ALCAM: variants seen among roughly 807,000 people sequenced by gnomAD.
ALCAM encodes activated leukocyte cell adhesion molecule.
ALCAM carries 30 observed loss-of-function variants against 70.9 expected under a neutral mutation model. The observed-to-expected ratio is 0.42, with a 90% CI of 0.32 to 0.57. The LOEUF is 0.57. Among genes scored for constraint, ALCAM ranks in the 20% least tolerant of loss-of-function variants. The pLI, the probability that ALCAM is intolerant of heterozygous loss-of-function variation, is 0.11. For missense variants in ALCAM, 591 were observed against 695.1 expected (o/e 0.85, Z 1.68); for synonymous variants, 249 against 242.5 (o/e 1.03, Z -0.25).
intron 1 of ALCAM, among the ~76,000 whole-genome samples, 186 bp from the exon 2 acceptor site, chr3:105,519,881 G>T (rs1031988080): frequency 1.3e-5 from 2 of 152,084 alleles, no homozygotes; most frequent in African/African-American, 4.8e-5. Context: ...AAATAGAAAG[G>T]TGGTAATTTT....
rs549541751 is a variant in ALCAM, at chr3:105,406,865, C to T, written c.73+39384C>T. 7.9e-5 allele frequency among the ~76,000 whole-genome samples: 12 copies of T among 151,646 alleles called. No homozygotes were observed. The South Asian group carries it at 1.5e-3, about 18-fold the overall frequency. On this transcript the variant is annotated intron_variant, in intron 1 of 15. Transcript: ENST00000306107. Reference sequence around the variant, plus strand: ...CAAATAAGCTCAATTACAAATGAAACGGGAGATATTGCAACTGACACCACA... The same window carrying T: ...CAAATAAGCTCAATTACAAATGAAATGGGAGATATTGCAACTGACACCACA...
At chr3:105,417,642 T>G (rs1208322322) in intron 1 of ALCAM, among the ~76,000 whole-genome samples, 2 of 151,772 alleles carry the variant, frequency 1.3e-5, no homozygotes, top group Non-Finnish European at 2.9e-5. Context: ...ATAATTATAG[T>G]CTCCTCATTA....
intron 8 of ALCAM, 23 bp downstream of exon 8, chr3:105,541,788 A>T (rs777670006): frequency 8.1e-6 from 13 of 1,610,814 alleles, no homozygotes; most frequent in Admixed American, 1.7e-5. Context: ...CTTCTTCATC[A>T]GCAGCTTCAC....
intron 1 of ALCAM, among the ~76,000 whole-genome samples, chr3:105,472,214 A>G (rs1937954773): frequency 6.6e-6 from 1 of 151,214 alleles, no homozygotes; most frequent in Non-Finnish European, 1.5e-5. Context: ...TTTTTTAGGC[A>G]GTGCTACTGA....
intron 1 of ALCAM, among the ~76,000 whole-genome samples, chr3:105,450,868 A>C (rs1937410274): frequency 6.6e-6 from 1 of 152,140 alleles, no homozygotes; most frequent in Admixed American, 6.5e-5. Flanking sequence ...AGGCATCCTG[A>C]GGTCAAGGTA....
At chr3:105,434,621 C>T (rs756757491) in intron 1 of ALCAM, among the ~76,000 whole-genome samples, 3 of 151,896 alleles carry the variant, frequency 2.0e-5, no homozygotes, top group Non-Finnish European at 2.9e-5. Flanking sequence ...AATTCATAGA[C>T]CTGTTCTTAC....
At chr3:105,478,351 T>C (rs1247965193) in intron 1 of ALCAM, among the ~76,000 whole-genome samples, 2 of 152,160 alleles carry the variant, frequency 1.3e-5, no homozygotes, top group African/African-American at 2.4e-5. Flanking sequence ...GACAGAAATT[T>C]GGGGAGAGTT....
intron 14 of ALCAM, among the ~76,000 whole-genome samples, chr3:105,563,691 TTTTTTTTG>T (rs1429307729): frequency 2.1e-5 from 2 of 95,326 alleles, no homozygotes; most frequent in African/African-American, 8.9e-5. Context: ...TTTTTTTTTT[TTTTTTTTG>T]AGACGGAGTC....
At chr3:105,418,503 A>C (rs1663266314) in intron 1 of ALCAM, among the ~76,000 whole-genome samples, 1 of 151,728 alleles carries the variant, frequency 6.6e-6, no homozygotes, top group African/African-American at 2.4e-5. Flanking sequence ...TTTAAAGCAA[A>C]GAAAAAAAAA....
Position 105,524,473 on chromosome 3 carries a change from A to G in ALCAM, c.359A>G (p.Asn120Ser). 3 of 1,614,122 alleles carry G rather than the reference A, an allele frequency of 1.9e-6. No homozygotes were observed. The highest frequency in any genetic ancestry group is 1.3e-5 in the African/African-American group (1 of 75,042). ...RFVCMLVTED[N>S]VFEAPTIVKV... ...GTGTGCATGCTAGTAACTGAGGACA[A>G]CGTGTTTGAGGCACCTACAATAGTC... is the stretch of plus-strand genomic sequence containing the variant. The change falls in exon 3 of 16, where the codon AAC becomes AGC. Residue 120 changes from asparagine (N) to serine (S), a missense_variant. By Grantham distance (46) the Asn-to-Ser change is conservative. Transcript: ENST00000306107.
chr3:105,412,987 C>T (rs974331539), intron 1 of ALCAM, among the ~76,000 whole-genome samples: 1 of 152,034 alleles, frequency 6.6e-6, no homozygotes, highest in Admixed American at 6.6e-5. Context: ...CTAAATTTAA[C>T]AGTTTTAGAT....
chr3:105,474,204 T>C (rs1210021403), intron 1 of ALCAM, among the ~76,000 whole-genome samples: 1 of 151,758 alleles, frequency 6.6e-6, no homozygotes, highest in African/African-American at 2.4e-5. Flanking sequence ...GTTACAAGAA[T>C]TTTGATGCTG....
Position 105,540,006 on chromosome 3 carries a change from G to A in ALCAM, c.762G>A (p.Leu254=), listed in dbSNP as rs35248527. The A allele has an allele frequency of 6.6e-4, 1,067 of 1,612,404 alleles. 1 individual carries two copies. In the African/African-American group the frequency reaches 0.01, roughly 15 times the overall value. Residue 254 remains leucine (L), a synonymous_variant, in exon 7 of 16, where the codon CTG becomes CTA. Transcript: ENST00000306107. ...CAGAGCAGGTGACAATACAAGTGCT[G>A]CCACCAAAAAATGCCATCAAAGAAG... ...YPTEQVTIQV[L]PPKNAIKEGD... is the part of the protein sequence containing the mutation.
chr3:105,499,219 A>C (rs1038887633), intron 1 of ALCAM, among the ~76,000 whole-genome samples: 2 of 152,212 alleles, frequency 1.3e-5, no homozygotes, highest in African/African-American at 4.8e-5. Flanking sequence ...CTATATCTTT[A>C]ATATCTAAGA....
chr3:105,524,405 T>C lies in ALCAM; in HGVS notation c.291T>C (p.Thr97=). 6.2e-7 allele frequency: 1 copy of C among 1,614,166 alleles called. No homozygotes were observed. The highest frequency in any genetic ancestry group is 8.5e-7 in the Non-Finnish European group (1 of 1,180,030). Reference sequence around the variant, plus strand: ...GATTGAACCTCTCAGAAAACTACACTTTGTCTATCAGTAATGCAAGGATCA... The same window carrying C: ...GATTGAACCTCTCAGAAAACTACACCTTGTCTATCAGTAATGCAAGGATCA... ...KDRLNLSENY[T]LSISNARISD... The change falls in exon 3 of 16, where the codon ACT becomes ACC. Residue 97 remains threonine (T), a synonymous_variant. Coordinates refer to ENST00000306107, the MANE Select transcript of ALCAM (RefSeq NM_001627.4).
At chr3:105,470,025 G>A (rs1304784596) in intron 1 of ALCAM, among the ~76,000 whole-genome samples, 1 of 148,988 alleles carries the variant, frequency 6.7e-6, no homozygotes, top group Non-Finnish European at 1.5e-5. Context: ...ATGTATGTAT[G>A]GTATATTTTA....
At position 105,422,512 on chromosome 3, in the gene ALCAM, G is replaced by T. The variant is rs189305080; in HGVS notation, c.73+55031G>T. Among the ~76,000 whole-genome samples, 3 of 151,184 alleles carry T rather than the reference G, an allele frequency of 2.0e-5. No homozygotes were observed. In the East Asian group the frequency reaches 5.8e-4, roughly 29 times the overall value. On this transcript the variant is annotated intron_variant, in intron 1 of 15. Transcript: ENST00000306107. ...TGCATTGCCCCTGAGATATTTTATA[G>T]CCTTGGGCAAAAAAGTGTACTCTTC...
intron 1 of ALCAM, among the ~76,000 whole-genome samples, chr3:105,368,133 G>C (rs1050363408): frequency 2.0e-5 from 3 of 150,956 alleles, no homozygotes; most frequent in Non-Finnish European, 2.9e-5. Flanking sequence ...GAATTAGTAG[G>C]TAGGCCTGGG....
intron 11 of ALCAM, among the ~76,000 whole-genome samples, chr3:105,549,444 G>A (rs1249502858): frequency 3.3e-5 from 5 of 151,426 alleles, no homozygotes; most frequent in African/African-American, 9.7e-5. Context: ...TAAGATGACC[G>A]AGAAAAGAGT....
Sources: allele counts gnomAD v4.1 joint callset (sites outside exome capture counted in the v4.1 genomes callset), GRCh38; gene constraint gnomAD v4.1.1; transcripts MANE v1.5; gene names NCBI Gene and HGNC (gene_info 2026-07-23, HGNC 2026-07-21).